Variants in RAB27B observed in about 807,000 individuals in gnomAD.
RAB27B encodes RAB27B, member RAS oncogene family.
In RAB27B, 15 loss-of-function variants were observed where a neutral mutation model predicts 24.6. That is an observed-to-expected ratio of 0.61 (90% CI 0.41 to 0.94). The LOEUF is 0.94. RAB27B is among the 40% of genes least tolerant of loss of function. The pLI is 0.00. For synonymous variants in RAB27B, 105 were observed against 92.5 expected, an observed-to-expected ratio of 1.14 and a Z score of -0.78; for missense variants, 261 against 266.8, an observed-to-expected ratio of 0.98 and a Z score of 0.15.
intron 1 of RAB27B, among the ~76,000 whole-genome samples, chr18:54,869,755 T>C (rs1177792795): frequency 2.0e-5 from 3 of 152,086 alleles, no homozygotes; most frequent in African/African-American, 7.2e-5. Context: ...CACAAATAGG[T>C]TCAAATATAT....
intron 2 of RAB27B, among the ~76,000 whole-genome samples, chr18:54,809,851 A>T (rs1395724506): frequency 1.3e-5 from 2 of 152,190 alleles, no homozygotes. Context: ...TCCTTTCTTA[A>T]TTGCTTTGTA....
At chr18:54,792,395 T>TA (rs376849639) in intron 2 of RAB27B, among the ~76,000 whole-genome samples, 4 of 152,004 alleles carry the variant, frequency 2.6e-5, no homozygotes, top group Admixed American at 6.6e-5. Context: ...GATCCTATCT[T>TA]AAAAAAAATC....
At chr18:54,887,917 G>A (rs777841064) in intron 4 of RAB27B, 78 bp from the exon 5 acceptor site, 21 of 1,514,122 alleles carry the variant, frequency 1.4e-5, no homozygotes, top group Non-Finnish European at 1.8e-5. Context: ...AATTAGATCA[G>A]GAATCTGGAA....
At chr18:54,748,118 A>T (rs930084379) in intron 2 of RAB27B, among the ~76,000 whole-genome samples, 1 of 152,064 alleles carries the variant, frequency 6.6e-6, no homozygotes. Context: ...AAAACAAAAA[A>T]CTAAACAAAA....
intron 1 of RAB27B, among the ~76,000 whole-genome samples, chr18:54,850,357 T>C (rs144079544): frequency 0.038 from 4,995 of 130,550 alleles, 699 homozygotes; most frequent in African/African-American, 0.15. Flanking sequence ...TATATATATA[T>C]ATACATACAT....
In RAB27B at chr18:54,890,930, A is replaced by G. The variant is rs1221347249; in HGVS notation, c.*1517A>G. The G allele has an allele frequency of 6.6e-6, 1 of 152,038 alleles. No homozygotes were observed. The highest frequency in any genetic ancestry group is 1.5e-5 in the Non-Finnish European group (1 of 68,010). 9.4% of individuals were successfully genotyped at this position (152,038 alleles called of 1,614,324 possible). A position where few individuals can be genotyped will look rare whatever the true frequency, so the allele number is the denominator to read the frequency against. ...TTTCTGATAAACACAAGCCATTCCTATCAAAATATTATTTATTTCAGTCAA... is the reference window on the plus strand; with the variant it reads ...TTTCTGATAAACACAAGCCATTCCTGTCAAAATATTATTTATTTCAGTCAA... On this transcript the variant is annotated 3_prime_UTR_variant, in exon 6 of 6. Transcript: ENST00000262094.
Position 54,836,530 on chromosome 18 carries a change from T to C in RAB27B, c.-20+7830T>C, listed in dbSNP as rs561173327. 2.6e-5 allele frequency among the ~76,000 whole-genome samples: 4 copies of C among 152,082 alleles called. No homozygotes were observed. The East Asian group carries it at 7.7e-4, about 29-fold the overall frequency. On this transcript the variant is annotated intron_variant, in intron 1 of 5. Coordinates refer to ENST00000262094, the MANE Select transcript of RAB27B (RefSeq NM_004163.4). The stretch of plus-strand genomic sequence containing the variant: ...TCGTAAATATTGAGACACATGAAGG[T>C]ATAAGCTTGGCAACTTGAGAACAGA...
chr18:54,829,492 A>G (rs1910592639), intron 1 of RAB27B, among the ~76,000 whole-genome samples: 1 of 152,230 alleles, frequency 6.6e-6, no homozygotes, highest in East Asian at 1.9e-4. Flanking sequence ...TAAACTGCAC[A>G]TCATTAAATT....
At chr18:54,719,995 C>T (rs1909308870) in intron 2 of RAB27B, among the ~76,000 whole-genome samples, 2 of 151,688 alleles carry the variant, frequency 1.3e-5, no homozygotes, top group South Asian at 2.1e-4. Flanking sequence ...GGAAAAAGTC[C>T]CAAGAAGTAT....
chr18:54,815,945 C>T (rs549334436), intron 2 of RAB27B, among the ~76,000 whole-genome samples: 2 of 152,236 alleles, frequency 1.3e-5, no homozygotes, highest in African/African-American at 4.8e-5. Flanking sequence ...TAATAAATTA[C>T]CAGCTAAATA....
intron 2 of RAB27B, among the ~76,000 whole-genome samples, chr18:54,729,073 A>T (rs1186700788): frequency 6.6e-6 from 1 of 151,882 alleles, no homozygotes; most frequent in Non-Finnish European, 1.5e-5. Context: ...AAAGCATAAC[A>T]TTGCCTGATG....
intron 4 of RAB27B, among the ~76,000 whole-genome samples, chr18:54,887,517 G>A (rs1913194577): frequency 6.6e-6 from 1 of 152,090 alleles, no homozygotes; most frequent in South Asian, 2.1e-4. Context: ...ATAGCACATG[G>A]ATTGAAAAGA....
At chr18:54,775,722 G>C (rs1236972044) in intron 2 of RAB27B, among the ~76,000 whole-genome samples, 1 of 152,114 alleles carries the variant, frequency 6.6e-6, no homozygotes, top group Non-Finnish European at 1.5e-5. Flanking sequence ...CCTCAACTCA[G>C]AGCTCTTGCT....
intron 2 of RAB27B, among the ~76,000 whole-genome samples, chr18:54,795,781 A>G (rs1376095451): frequency 2.0e-5 from 3 of 152,182 alleles, no homozygotes; most frequent in Admixed American, 6.5e-5. Flanking sequence ...GCATGTATGC[A>G]TTGTATTACA....
At chr18:54,883,009 TA>T (rs1413027325) in intron 3 of RAB27B, among the ~76,000 whole-genome samples, 5 of 151,702 alleles carry the variant, frequency 3.3e-5, no homozygotes, top group Admixed American at 2.6e-4. Context: ...AGTGGCAGAG[TA>T]GATGGCCAGA....
chr18:54,829,988 T>A (rs1402860483), intron 1 of RAB27B, among the ~76,000 whole-genome samples: 1 of 152,216 alleles, frequency 6.6e-6, no homozygotes, highest in Non-Finnish European at 1.5e-5. Flanking sequence ...CTATGGCCTC[T>A]CATACAGTGT....
intron 2 of RAB27B, among the ~76,000 whole-genome samples, chr18:54,802,844 AG>A (rs1909652898): frequency 6.6e-6 from 1 of 152,216 alleles, no homozygotes; most frequent in African/African-American, 2.4e-5. Context: ...GGCTATGTCA[AG>A]TCTTTGTCAA....
At chr18:54,826,470 C>G (rs1171264452), upstream of RAB27B, among the ~76,000 whole-genome samples, 2 of 152,194 alleles carry the variant, frequency 1.3e-5, no homozygotes, top group African/African-American at 4.8e-5. Context: ...TTCCACCACT[C>G]TCTGGTAGTG....
chr18:54,863,049 T>C (rs1178723250), intron 1 of RAB27B, among the ~76,000 whole-genome samples: 1 of 152,168 alleles, frequency 6.6e-6, no homozygotes, highest in Non-Finnish European at 1.5e-5. Flanking sequence ...GAGGAATAAG[T>C]TGAATGTGTA....
Sources: allele counts gnomAD v4.1 joint callset (sites outside exome capture counted in the v4.1 genomes callset), GRCh38; gene constraint gnomAD v4.1.1; transcripts MANE v1.5; gene names NCBI Gene and HGNC (gene_info 2026-07-23, HGNC 2026-07-21).